Variants in HNRNPC observed in about 807,000 individuals in gnomAD.
HNRNPC encodes the protein heterogeneous nuclear ribonucleoprotein C.
HNRNPC carries 3 observed loss-of-function variants against 33.2 expected under a neutral mutation model. The observed-to-expected ratio is 0.09, with a 90% CI of 0.04 to 0.23. HNRNPC has a LOEUF of 0.23. HNRNPC is among the 10% of genes least tolerant of loss of function. The probability of loss-of-function intolerance (pLI) is 1.00; values close to 1 mark genes in which losing one functional copy is unlikely to be tolerated. For missense variants in HNRNPC, 143 were observed against 366.7 expected (o/e 0.39, Z 4.98); for synonymous variants, 121 against 126.7 (o/e 0.96, Z 0.30).
At chr14:21,218,910 G>T (rs1007975173) in intron 5 of HNRNPC, among the ~76,000 whole-genome samples, 2 of 151,724 alleles carry the variant, frequency 1.3e-5, no homozygotes, top group Non-Finnish European at 2.9e-5. Flanking sequence ...AGGAGTTCAA[G>T]AATAGCCTGG....
At chr14:21,253,392 T>C (rs111571004) in intron 2 of HNRNPC, among the ~76,000 whole-genome samples, 3,050 of 136,992 alleles carry the variant, frequency 0.022, 73 homozygotes, top group Non-Finnish European at 0.029. Flanking sequence ...TAGAATGGCG[T>C]GAACCCAGGA....
In HNRNPC at chr14:21,210,043, G is replaced by C. The variant is rs1352921100; in HGVS notation, c.*1180C>G. 6.6e-6 allele frequency: 1 copy of C among 152,184 alleles called. No individual in the cohort carries two copies. Among genetic ancestry groups the C allele is most frequent in the East Asian group, 1.9e-4 (1 of 5,206 alleles). 9.4% of individuals were successfully genotyped at this position (152,184 alleles called of 1,614,324 possible). A position where few individuals can be genotyped will look rare whatever the true frequency, so the allele number is the denominator to read the frequency against. On this transcript the variant is annotated 3_prime_UTR_variant, in exon 9 of 9. Coordinates refer to ENST00000553300, the MANE Select transcript of HNRNPC (RefSeq NM_004500.4). ...GGGAAGGCAGTCTATGGAATATCAGGAAGTAAGAGTTTTCTTGTTTTCAGG... is the reference window on the plus strand; with the variant it reads ...GGGAAGGCAGTCTATGGAATATCAGCAAGTAAGAGTTTTCTTGTTTTCAGG...
At chr14:21,229,538 TA>T (rs1893874574) in intron 5 of HNRNPC, among the ~76,000 whole-genome samples, 1 of 152,218 alleles carries the variant, frequency 6.6e-6, no homozygotes, top group Non-Finnish European at 1.5e-5. Flanking sequence ...TTCTAATGAC[TA>T]CGTACCATAT....
intron 2 of HNRNPC, among the ~76,000 whole-genome samples, chr14:21,245,635 C>A (rs1439473711): frequency 6.6e-6 from 1 of 152,138 alleles, no homozygotes; most frequent in African/African-American, 2.4e-5. Flanking sequence ...TTACCATACA[C>A]TACTGTGGAC....
chr14:21,247,095 G>T (rs1896062616), intron 2 of HNRNPC, among the ~76,000 whole-genome samples: 1 of 152,124 alleles, frequency 6.6e-6, no homozygotes, highest in Admixed American at 6.5e-5. Flanking sequence ...GCTGGCAGCT[G>T]GTGCCTTAAT....
chr14:21,215,893 C>T (rs1489034665), intron 5 of HNRNPC, among the ~76,000 whole-genome samples: 7 of 118,104 alleles, frequency 5.9e-5, no homozygotes, highest in African/African-American at 1.2e-4. Flanking sequence ...AGCAAGACTC[C>T]GTCTTAAAAA....
chr14:21,230,504 A>AG, intron 4 of HNRNPC, 138 bp from the exon 5 acceptor site: 1 of 646,686 alleles, frequency 1.5e-6, no homozygotes, highest in Non-Finnish European at 2.8e-6. Flanking sequence ...CCAATCATTC[A>AG]TACAATAAAT....
At chr14:21,235,742 G>A (rs758329218) in intron 2 of HNRNPC, among the ~76,000 whole-genome samples, 10 of 152,228 alleles carry the variant, frequency 6.6e-5, no homozygotes, top group Middle Eastern at 6.8e-3. Context: ...AGATACTACT[G>A]CTGGTTATTA....
At chr14:21,233,219 T>C (rs543518908) in intron 3 of HNRNPC, among the ~76,000 whole-genome samples, 7 of 152,260 alleles carry the variant, frequency 4.6e-5, no homozygotes, top group South Asian at 2.1e-4. Context: ...AACAATGAAA[T>C]AGACCCAAAT....
At chr14:21,239,062 T>G (rs1410795825) in intron 2 of HNRNPC, among the ~76,000 whole-genome samples, 1 of 149,594 alleles carries the variant, frequency 6.7e-6, no homozygotes, top group Non-Finnish European at 1.5e-5. Context: ...GGGAGGAGGT[T>G]GCAGTGAGCC....
intron 2 of HNRNPC, among the ~76,000 whole-genome samples, chr14:21,243,621 C>G (rs1953146222): frequency 6.6e-6 from 1 of 152,146 alleles, no homozygotes; most frequent in South Asian, 2.1e-4. Flanking sequence ...ATTGTTTTAA[C>G]TAACTAAACC....
chr14:21,259,390 C>T (rs954466926), intron 2 of HNRNPC, among the ~76,000 whole-genome samples: 1 of 152,154 alleles, frequency 6.6e-6, no homozygotes, highest in African/African-American at 2.4e-5. Flanking sequence ...TCTATAATAT[C>T]TAAGAGGGCA....
intron 2 of HNRNPC, among the ~76,000 whole-genome samples, chr14:21,257,382 TA>T (rs71112563): frequency 4.1e-5 from 6 of 147,734 alleles, no homozygotes; most frequent in Non-Finnish European, 7.5e-5. Context: ...GGAAGCAAAG[TA>T]AAAAAAAAAT....
At chr14:21,223,292 T>C (rs1486048645) in intron 5 of HNRNPC, among the ~76,000 whole-genome samples, 2 of 152,060 alleles carry the variant, frequency 1.3e-5, no homozygotes, top group African/African-American at 4.8e-5. Context: ...GATACCTTAG[T>C]GTTGGGTAAA....
At chr14:21,218,875 G>A (rs1422597500) in intron 5 of HNRNPC, among the ~76,000 whole-genome samples, 5 of 151,724 alleles carry the variant, frequency 3.3e-5, no homozygotes, top group Admixed American at 3.3e-4. Flanking sequence ...ACTATGGGAG[G>A]CCGAGGAGGG....
chr14:21,266,146 C>T (rs965936936), intron 1 of HNRNPC, among the ~76,000 whole-genome samples: 1 of 152,170 alleles, frequency 6.6e-6, no homozygotes, highest in Non-Finnish European at 1.5e-5. Context: ...CACTCTGTCG[C>T]CCAGGCTGGA....
chr14:21,268,360 TTCTCAA>T (rs1394139056), intron 1 of HNRNPC, among the ~76,000 whole-genome samples: 34 of 152,338 alleles, frequency 2.2e-4, no homozygotes, highest in Non-Finnish European at 3.5e-4. Context: ...CGTTAAAAAA[TTCTCAA>T]GTCTCGTAGT....
chr14:21,216,171 TA>T (rs1160507953), intron 5 of HNRNPC, among the ~76,000 whole-genome samples: 2 of 137,080 alleles, frequency 1.5e-5, no homozygotes. Context: ...AATTCCAAAG[TA>T]AAAGCATTAC....
chr14:21,250,340 T>G (rs1896493502), intron 2 of HNRNPC, among the ~76,000 whole-genome samples: 1 of 152,028 alleles, frequency 6.6e-6, no homozygotes, highest in Non-Finnish European at 1.5e-5. Context: ...AGCAAAAAAA[T>G]AAAATGAAAC....
Sources: gnomAD v4.1 joint callset for allele counts (sites outside exome capture counted in the v4.1 genomes callset) on GRCh38, gnomAD v4.1.1 for gene constraint, MANE v1.5 for transcripts, NCBI Gene and HGNC (gene_info 2026-07-23, HGNC 2026-07-21) for gene names.